TXNDC16: variants seen among roughly 807,000 people sequenced by gnomAD.
TXNDC16 encodes the protein thioredoxin domain-containing protein 16.
TXNDC16 carries 74 observed loss-of-function variants against 85.6 expected under a neutral mutation model. The observed-to-expected ratio is 0.86, with a 90% CI of 0.72 to 1.05. TXNDC16 has a LOEUF of 1.05. Among genes scored for constraint, TXNDC16 ranks in the 50% least tolerant of loss-of-function variants. TXNDC16 has a pLI of 0.00. For synonymous variants in TXNDC16, 335 were observed against 326.5 expected, an observed-to-expected ratio of 1.03 and a Z score of -0.28; for missense variants, 959 against 947.0, an observed-to-expected ratio of 1.01 and a Z score of -0.17.
At chr14:52,518,351 A>C (rs1047572867) in intron 7 of TXNDC16, among the ~76,000 whole-genome samples, 2 of 152,230 alleles carry the variant, frequency 1.3e-5, no homozygotes, top group Non-Finnish European at 2.9e-5. Context: ...GAATTTCATA[A>C]GTATGATGTC....
chr14:52,488,025 C>A (rs898544970), intron 12 of TXNDC16, among the ~76,000 whole-genome samples: 1 of 152,104 alleles, frequency 6.6e-6, no homozygotes, highest in Non-Finnish European at 1.5e-5. Context: ...AAAATAGTAA[C>A]AATGAATTAT....
chr14:52,485,972 T>G (rs1447198940), intron 12 of TXNDC16, among the ~76,000 whole-genome samples: 1 of 152,184 alleles, frequency 6.6e-6, no homozygotes, highest in Non-Finnish European at 1.5e-5. Flanking sequence ...GCCTCAATGT[T>G]CAACTCTTGT....
intron 18 of TXNDC16, among the ~76,000 whole-genome samples, chr14:52,447,103 TG>T (rs1246787882): frequency 7.9e-5 from 12 of 151,934 alleles, no homozygotes; most frequent in Non-Finnish European, 1.5e-4. Flanking sequence ...AAGCGGGTTT[TG>T]GGGGGGCCAC....
chr14:52,450,840 A>G (rs1307457315), intron 18 of TXNDC16, among the ~76,000 whole-genome samples: 1 of 147,578 alleles, frequency 6.8e-6, no homozygotes, highest in African/African-American at 2.5e-5. Context: ...ACAAGTGGAT[A>G]AGAAAATGTG....
At chr14:52,488,694 C>T (rs1261869844) in intron 11 of TXNDC16, among the ~76,000 whole-genome samples, 4 of 151,622 alleles carry the variant, frequency 2.6e-5, no homozygotes, top group African/African-American at 7.3e-5. Flanking sequence ...ATTAGACTGG[C>T]GTGGTGGCGC....
chr14:52,492,134 G>C (rs1044168181), intron 9 of TXNDC16, among the ~76,000 whole-genome samples: 1 of 152,170 alleles, frequency 6.6e-6, no homozygotes, highest in African/African-American at 2.4e-5. Context: ...TACACCAGCA[G>C]AAATCTAGGA....
chr14:52,458,541 T>C (rs945732751), intron 16 of TXNDC16, among the ~76,000 whole-genome samples: 66 of 150,748 alleles, frequency 4.4e-4, no homozygotes, highest in African/African-American at 1.5e-3. Flanking sequence ...AGCGAGACTC[T>C]GTCTCAAAAA....
chr14:52,476,021 C>T (rs2036012939), intron 14 of TXNDC16, among the ~76,000 whole-genome samples: 2 of 152,152 alleles, frequency 1.3e-5, no homozygotes, highest in South Asian at 4.1e-4. Flanking sequence ...TAGACAACCC[C>T]AAGTACCAGC....
intron 16 of TXNDC16, among the ~76,000 whole-genome samples, chr14:52,466,809 G>C (rs1292523965): frequency 6.6e-6 from 1 of 152,080 alleles, no homozygotes; most frequent in Non-Finnish European, 1.5e-5. Context: ...GGAGCTTGCA[G>C]TGAGCCGAGA....
chr14:52,491,044 A>C, intron 9 of TXNDC16, 39 bp from the exon 10 acceptor site: 1 of 1,549,168 alleles, frequency 6.5e-7, no homozygotes, highest in Non-Finnish European at 8.7e-7. Context: ...TGTGATAACA[A>C]TATTCCAACA....
chr14:52,544,729 T>C (rs2140232093), intron 1 of TXNDC16, among the ~76,000 whole-genome samples: 1 of 152,158 alleles, frequency 6.6e-6, no homozygotes, highest in Non-Finnish European at 1.5e-5. Flanking sequence ...TAATTACTCA[T>C]TGGTTATTTC....
intron 6 of TXNDC16, among the ~76,000 whole-genome samples, chr14:52,535,019 A>G (rs1456591170): frequency 6.6e-6 from 1 of 152,120 alleles, no homozygotes; most frequent in East Asian, 1.9e-4. Context: ...CTGTTTCAAA[A>G]CCACTTTGTC....
chr14:52,494,219 C>A (rs905388816), intron 9 of TXNDC16, among the ~76,000 whole-genome samples: 1 of 151,968 alleles, frequency 6.6e-6, no homozygotes, highest in Non-Finnish European at 1.5e-5. Flanking sequence ...ATTCCTACCC[C>A]CTAGTGAACA....
intron 18 of TXNDC16, among the ~76,000 whole-genome samples, chr14:52,442,788 A>G (rs1303567593): frequency 1.3e-5 from 2 of 152,174 alleles, no homozygotes; most frequent in East Asian, 1.9e-4. Context: ...CAGAGTCACC[A>G]CAGCTCAATT....
chr14:52,462,767 T>C, intron 16 of TXNDC16: 1 of 369,100 alleles, frequency 2.7e-6, no homozygotes, highest in Admixed American at 3.6e-5. Flanking sequence ...ACTTCTAAAG[T>C]GTAGCATTTT....
chr14:52,467,601 T>C (rs1280015007), intron 16 of TXNDC16, among the ~76,000 whole-genome samples: 1 of 152,116 alleles, frequency 6.6e-6, no homozygotes, highest in African/African-American at 2.4e-5. Context: ...AAATAACGAA[T>C]ATTGGCAAGG....
chr14:52,520,065 A>T (rs2140193652), intron 6 of TXNDC16, among the ~76,000 whole-genome samples: 1 of 152,350 alleles, frequency 6.6e-6, no homozygotes, highest in African/African-American at 2.4e-5. Flanking sequence ...ATATTCAATA[A>T]ACATTTATTG....
At chr14:52,476,139 C>G (rs913623235) in intron 14 of TXNDC16, among the ~76,000 whole-genome samples, 1 of 152,262 alleles carries the variant, frequency 6.6e-6, no homozygotes, top group Middle Eastern at 3.4e-3. Flanking sequence ...AAGAGTACTA[C>G]ATCAAGGGAA....
At chr14:52,489,689 A>G (rs1280917636) in intron 11 of TXNDC16, among the ~76,000 whole-genome samples, 3 of 152,222 alleles carry the variant, frequency 2.0e-5, no homozygotes, top group Non-Finnish European at 4.4e-5. Context: ...TACAAAGTGG[A>G]CACACTTGTA....
Sources: allele counts gnomAD v4.1 joint callset (sites outside exome capture counted in the v4.1 genomes callset), GRCh38; gene constraint gnomAD v4.1.1; transcripts MANE v1.5; gene names NCBI Gene and HGNC (gene_info 2026-07-23, HGNC 2026-07-21).